Variants in STK4 observed in about 807,000 individuals in gnomAD.
STK4 encodes serine/threonine-protein kinase 4.
Under a neutral mutation model 64.9 loss-of-function variants are expected in STK4, and 30 were observed. The ratio of observed to expected loss-of-function variants is 0.46; its 90% confidence interval spans 0.35 to 0.63. The LOEUF is 0.63. Ranked by LOEUF, STK4 falls within the 20% of genes least tolerant of loss-of-function variation. The probability of loss-of-function intolerance (pLI) is 0.01; values close to 1 mark genes in which losing one functional copy is unlikely to be tolerated. For synonymous variants in STK4, 177 were observed against 199.0 expected (o/e 0.89, Z 0.93); for missense variants, 466 against 598.5 (o/e 0.78, Z 2.31).
intron 2 of STK4, among the ~76,000 whole-genome samples, chr20:44,973,753 C>T (rs756163427): frequency 1.1e-4 from 16 of 152,200 alleles, no homozygotes; most frequent in Non-Finnish European, 1.5e-4. Flanking sequence ...CAATCCTCAT[C>T]TGTAAAGTTG....
chr20:44,989,674 T>C (rs1485369700), intron 5 of STK4, among the ~76,000 whole-genome samples: 1 of 152,188 alleles, frequency 6.6e-6, no homozygotes, highest in Non-Finnish European at 1.5e-5. Context: ...TGCAGGGTCA[T>C]GGAGATTTAC....
chr20:44,976,140 A>G (rs929076349), intron 2 of STK4, among the ~76,000 whole-genome samples: 9 of 152,264 alleles, frequency 5.9e-5, no homozygotes, highest in African/African-American at 4.8e-5. Context: ...AATGAAAACT[A>G]CAACAATTGA....
rs2067747977 is a variant in STK4, at chr20:44,997,216, A to G, written c.741A>G (p.Pro247=). Residue 247 remains proline (P), a synonymous_variant, in exon 7 of 11, where the codon CCA becomes CCG. Transcript: ENST00000372806. ...PTNPPPTFRK[P]ELWSDNFTDF... Reference sequence around the variant, plus strand: ...ATCCTCCTCCCACATTCCGAAAACCAGAGCTATGGTCAGATAACTTTACAG... The same window carrying G: ...ATCCTCCTCCCACATTCCGAAAACCGGAGCTATGGTCAGATAACTTTACAG... The G allele has an allele frequency of 1.2e-6, 2 of 1,613,996 alleles. No homozygotes were observed. Among genetic ancestry groups the G allele is most frequent in the Admixed American group, 1.7e-5 (1 of 59,996 alleles).
intron 10 of STK4, among the ~76,000 whole-genome samples, chr20:45,051,346 T>C (rs1386933501): frequency 6.6e-6 from 1 of 152,230 alleles, no homozygotes; most frequent in Non-Finnish European, 1.5e-5. Flanking sequence ...ATGCTTTTTA[T>C]TTTTCTCTTT....
At chr20:45,028,246 T>C (rs1381991959) in intron 10 of STK4, among the ~76,000 whole-genome samples, 1 of 152,200 alleles carries the variant, frequency 6.6e-6, no homozygotes, top group Admixed American at 6.5e-5. Flanking sequence ...AACATTCCCC[T>C]TTCTCTACAT....
intron 10 of STK4, among the ~76,000 whole-genome samples, chr20:45,048,879 G>C (rs563048520): frequency 6.6e-6 from 1 of 152,190 alleles, no homozygotes; most frequent in South Asian, 2.1e-4. Flanking sequence ...TGTTCCTAGG[G>C]TTTAAATATC....
chr20:45,064,074 C>G (rs1051806409), intron 10 of STK4, among the ~76,000 whole-genome samples: 2 of 149,970 alleles, frequency 1.3e-5, no homozygotes, highest in African/African-American at 4.9e-5. Context: ...TCCCAAAGTG[C>G]TGGGATTACA....
intron 8 of STK4, 200 bp downstream of exon 8, chr20:45,000,720 C>T: frequency 1.3e-6 from 1 of 754,556 alleles, no homozygotes; most frequent in Non-Finnish European, 2.1e-6. Context: ...CTTCCTAAAA[C>T]ACTTTTAAAT....
intron 3 of STK4, among the ~76,000 whole-genome samples, chr20:44,981,307 G>A (rs1274391127): frequency 1.3e-5 from 2 of 151,844 alleles, no homozygotes; most frequent in South Asian, 2.1e-4. Context: ...GGTGCACACT[G>A]CCACGGCTGG....
At chr20:45,074,961 A>C (rs1334102122) in intron 10 of STK4, 57 bp from the exon 11 acceptor site, 5 of 1,604,382 alleles carry the variant, frequency 3.1e-6, no homozygotes, top group Non-Finnish European at 4.3e-6. Context: ...GGGCTTCTGC[A>C]CTGTTCTGCC....
intron 10 of STK4, among the ~76,000 whole-genome samples, chr20:45,066,587 A>G (rs1600570021): frequency 6.6e-6 from 1 of 152,134 alleles, no homozygotes; most frequent in African/African-American, 2.4e-5. Context: ...TATGATCTGC[A>G]TTTCATTCCA....
chr20:44,995,779 T>C (rs909197562), intron 6 of STK4, among the ~76,000 whole-genome samples: 1 of 152,172 alleles, frequency 6.6e-6, no homozygotes, highest in African/African-American at 2.4e-5. Flanking sequence ...CCAGAGGTTG[T>C]GTATTGATAG....
rs552148575 is a variant in STK4, at chr20:45,052,021, G to C, written c.1306-22997G>C. Among the ~76,000 whole-genome samples, 203 of 152,286 alleles carry C rather than the reference G, an allele frequency of 1.3e-3. 3 individuals carry two copies. Among genetic ancestry groups the C allele is most frequent in the African/African-American group, 4.5e-3 (188 of 41,564 alleles). On this transcript the variant is annotated intron_variant, in intron 10 of 10. Coordinates refer to ENST00000372806, the MANE Select transcript of STK4 (RefSeq NM_006282.5). ...AAAATCCAAAATCCAAAACACTTCT[G>C]GTCCCAGGCATCTTGGATAAGGGAT...
intron 10 of STK4, among the ~76,000 whole-genome samples, chr20:45,048,051 A>C (rs1335280381): frequency 1.3e-5 from 2 of 152,198 alleles, no homozygotes; most frequent in East Asian, 3.8e-4. Context: ...AGTGTGTAAA[A>C]GATGCTCAGT....
At position 44,978,432 on chromosome 20, in the gene STK4, C is replaced by G; in HGVS notation, c.117-11C>G. ...GACTTTATAAATGTTCTTCTTCTCC[C>G]AAATGTATAGGTCCTATGGCAGCGT... On this transcript the variant is annotated splice_polypyrimidine_tract_variant and intron_variant, in intron 2 of 10. Transcript: ENST00000372806. The G allele has an allele frequency of 1.9e-6, 3 of 1,601,394 alleles. No individual in the cohort carries two copies. The highest frequency in any genetic ancestry group is 1.7e-4 in the Middle Eastern group (1 of 5,982).
intron 10 of STK4, among the ~76,000 whole-genome samples, chr20:45,051,138 G>C (rs1016243358): frequency 6.6e-6 from 1 of 152,094 alleles, no homozygotes. Context: ...CACCGTATTG[G>C]TTTTGGCATT....
chr20:45,007,455 G>A (rs2067967502), intron 9 of STK4, among the ~76,000 whole-genome samples: 1 of 152,118 alleles, frequency 6.6e-6, no homozygotes, highest in Non-Finnish European at 1.5e-5. Flanking sequence ...GCTGAGGCAG[G>A]AGAATAGCTT....
chr20:45,009,361 T>C (rs1334758263), intron 9 of STK4, among the ~76,000 whole-genome samples: 6 of 152,192 alleles, frequency 3.9e-5, no homozygotes, highest in African/African-American at 1.4e-4. Flanking sequence ...TGCAGGTTTA[T>C]TTCTGAGTTT....
chr20:44,984,369 T>C (rs1278446254), intron 4 of STK4, among the ~76,000 whole-genome samples: 2 of 151,674 alleles, frequency 1.3e-5, no homozygotes, highest in African/African-American at 4.8e-5. Context: ...CCTGGCTAAT[T>C]TGTTATGTAT....
Sources: allele counts gnomAD v4.1 joint callset (sites outside exome capture counted in the v4.1 genomes callset), GRCh38; gene constraint gnomAD v4.1.1; transcripts MANE v1.5; gene names NCBI Gene and HGNC (gene_info 2026-07-23, HGNC 2026-07-21).